MS4A4A: variants seen among roughly 807,000 people sequenced by gnomAD.
The protein encoded by MS4A4A is membrane-spanning 4-domains subfamily A member 4A.
Under a neutral mutation model 28.0 loss-of-function variants are expected in MS4A4A, and 26 were observed. That is an observed-to-expected ratio of 0.93 (90% CI 0.68 to 1.29). MS4A4A has a LOEUF of 1.29. MS4A4A is among the 50% of genes most tolerant of loss of function. The pLI is 0.00. For synonymous variants in MS4A4A, 86 were observed against 100.8 expected, an observed-to-expected ratio of 0.85 and a Z score of 0.88; for missense variants, 290 against 293.1, an observed-to-expected ratio of 0.99 and a Z score of 0.08.
At chr11:60,290,265 G>C (rs1200047980) in intron 1 of MS4A4A, 2 of 204,984 alleles carry the variant, frequency 9.8e-6, no homozygotes, top group African/African-American at 2.3e-5. Context: ...GTACACCTCA[G>C]GGGGGGCCTC....
chr11:60,298,458 T>A (rs2084924340), intron 3 of MS4A4A, among the ~76,000 whole-genome samples: 1 of 152,220 alleles, frequency 6.6e-6, no homozygotes, highest in South Asian at 2.1e-4. Context: ...CTTATTAAAC[T>A]CTTACTATCA....
intron 6 of MS4A4A, among the ~76,000 whole-genome samples, chr11:60,307,626 T>C (rs2085015950): frequency 6.6e-6 from 1 of 152,198 alleles, no homozygotes; most frequent in African/African-American, 2.4e-5. Context: ...TATCTCTTCC[T>C]GTTCTTCCAC....
intron 6 of MS4A4A, 119 bp downstream of exon 6, chr11:60,306,320 C>A: frequency 1.2e-6 from 1 of 857,684 alleles, no homozygotes; most frequent in Non-Finnish European, 1.9e-6. Flanking sequence ...TTCCATGGTT[C>A]AAGAGTCTGA....
intron 3 of MS4A4A, among the ~76,000 whole-genome samples, chr11:60,300,571 G>A (rs1175104710): frequency 1.5e-5 from 2 of 130,266 alleles, no homozygotes; most frequent in East Asian, 4.6e-4. Context: ...AGCCGAGATT[G>A]CCCCACTGCA....
intron 2 of MS4A4A, among the ~76,000 whole-genome samples, chr11:60,293,206 A>T (rs2084873284): frequency 6.6e-6 from 1 of 152,064 alleles, no homozygotes; most frequent in South Asian, 2.1e-4. Flanking sequence ...TACAGGCATG[A>T]GCCATCACAC....
Position 60,297,263 on chromosome 11 carries a change from A to C in MS4A4A, c.268A>C (p.Asn90His). The change falls in exon 3 of 7, where the codon AAT becomes CAT. Residue 90 changes from asparagine (N) to histidine (H), a missense_variant. Transcript: ENST00000337908. ...AATAACAATGATGTGTATGGCATCT[A>C]ATACTTATGGAAGTAACCCTATTTC... ...MGITMMCMASNTYGSNPISVY... is the reference protein window; with the variant it reads ...MGITMMCMASHTYGSNPISVY... 2.5e-6 allele frequency: 4 copies of C among 1,613,674 alleles called. No individual in the cohort carries two copies. The highest frequency in any genetic ancestry group is 2.5e-6 in the Non-Finnish European group (3 of 1,179,638).
chr11:60,299,849 T>G (rs2084936980), intron 3 of MS4A4A, among the ~76,000 whole-genome samples: 3 of 152,172 alleles, frequency 2.0e-5, no homozygotes, highest in Admixed American at 6.5e-5. Context: ...ACTGTAAACA[T>G]GAATAGCAAT....
At chr11:60,290,534 A>G (rs549402177) in intron 1 of MS4A4A, among the ~76,000 whole-genome samples, 1 of 152,218 alleles carries the variant, frequency 6.6e-6, no homozygotes. Flanking sequence ...ATTCTTATAT[A>G]TAATTCCTTA....
intron 1 of MS4A4A, among the ~76,000 whole-genome samples, chr11:60,288,898 G>A (rs913990565): frequency 1.3e-5 from 2 of 152,164 alleles, no homozygotes; most frequent in African/African-American, 2.4e-5. Flanking sequence ...GGGTGACACA[G>A]CTCAATCAAA....
chr11:60,287,972 C>A (rs1015974579), intron 1 of MS4A4A, among the ~76,000 whole-genome samples: 1 of 152,216 alleles, frequency 6.6e-6, no homozygotes, highest in African/African-American at 2.4e-5. Context: ...CTCAGACAGT[C>A]CTGCTCCCAT....
chr11:60,286,926 G>T (rs1004093886), intron 1 of MS4A4A, among the ~76,000 whole-genome samples: 2 of 152,082 alleles, frequency 1.3e-5, no homozygotes, highest in Non-Finnish European at 2.9e-5. Context: ...TTTTGGGGGG[G>T]TTTGTTTTTG....
chr11:60,296,577 T>C (rs2135023673), intron 2 of MS4A4A, among the ~76,000 whole-genome samples: 1 of 152,210 alleles, frequency 6.6e-6, no homozygotes, highest in Middle Eastern at 3.4e-3. Context: ...TGATTTTAGA[T>C]CATGATTTTC....
In MS4A4A at chr11:60,297,134, G is replaced by T. The variant is rs558126381; in HGVS notation, c.202-63G>T. Reference sequence around the variant, plus strand: ...TAAGGATAGCTTAGTGATTGGAAAGGGGGTGGCGGAAGCACCATTTTTGTG... The same window carrying T: ...TAAGGATAGCTTAGTGATTGGAAAGTGGGTGGCGGAAGCACCATTTTTGTG... On this transcript the variant is annotated intron_variant, in intron 2 of 6. Coordinates refer to ENST00000337908, the MANE Select transcript of MS4A4A (RefSeq NM_148975.3). 2.9e-5 allele frequency: 46 copies of T among 1,593,066 alleles called. No individual in the cohort carries two copies. The Middle Eastern group carries it at 7.0e-4, about 24-fold the overall frequency.
At chr11:60,301,554 C>T (rs1289216176) in intron 4 of MS4A4A, among the ~76,000 whole-genome samples, 2 of 152,142 alleles carry the variant, frequency 1.3e-5, no homozygotes, top group Non-Finnish European at 2.9e-5. Flanking sequence ...CAATACAATG[C>T]GAAAGTCCAT....
At chr11:60,288,009 C>T (rs1031208792) in intron 1 of MS4A4A, among the ~76,000 whole-genome samples, 18 of 152,188 alleles carry the variant, frequency 1.2e-4, no homozygotes, top group Non-Finnish European at 2.5e-4. Flanking sequence ...GTCCATGCTT[C>T]AGCTCTGTTA....
intron 1 of MS4A4A, among the ~76,000 whole-genome samples, chr11:60,283,099 T>C (rs1476159518): frequency 6.6e-6 from 1 of 152,024 alleles, no homozygotes; most frequent in Non-Finnish European, 1.5e-5. Flanking sequence ...TGACAAACTA[T>C]CAGATATTTT....
chr11:60,282,709 G>A (rs774875366), intron 1 of MS4A4A: 7 of 1,278,238 alleles, frequency 5.5e-6, no homozygotes, highest in Non-Finnish European at 7.1e-6. Context: ...TATACTTGGA[G>A]CTTTAAAAAT....
chr11:60,294,509 C>T (rs1244427813), intron 2 of MS4A4A, among the ~76,000 whole-genome samples: 2 of 151,956 alleles, frequency 1.3e-5, no homozygotes, highest in African/African-American at 2.4e-5. Flanking sequence ...CCTTTGGTAT[C>T]GTATTGACAA....
chr11:60,297,246 T>C lies in MS4A4A; in HGVS notation c.251T>C (p.Met84Thr). The change falls in exon 3 of 7, where the codon ATG becomes ACG. Residue 84 changes from methionine to threonine, a missense_variant. Transcript: ENST00000337908. ...ATGAGCCTTAGCATGGGAATAACAATGATGTGTATGGCATCTAATACTTAT... is the reference window on the plus strand; with the variant it reads ...ATGAGCCTTAGCATGGGAATAACAACGATGTGTATGGCATCTAATACTTAT... Reference protein sequence around the residue: ...ALMSLSMGITMMCMASNTYGS... With the variant: ...ALMSLSMGITTMCMASNTYGS... 3 of 1,613,652 alleles carry C rather than the reference T, an allele frequency of 1.9e-6. No individual in the cohort carries two copies. The highest frequency in any genetic ancestry group is 2.5e-6 in the Non-Finnish European group (3 of 1,179,644).
Sources: gnomAD v4.1 joint callset for allele counts (sites outside exome capture counted in the v4.1 genomes callset) on GRCh38, gnomAD v4.1.1 for gene constraint, MANE v1.5 for transcripts, NCBI Gene and HGNC (gene_info 2026-07-23, HGNC 2026-07-21) for gene names.